The following TRAF3IP1 variants were observed in gnomAD, a reference collection of about 807,000 sequenced individuals.
The protein encoded by TRAF3IP1 is intraflagellar transport 54.
TRAF3IP1 carries 53 observed loss-of-function variants against 89.9 expected under a neutral mutation model. The observed-to-expected ratio is 0.59, with a 90% CI of 0.47 to 0.74. The LOEUF (loss-of-function observed/expected upper bound fraction) is 0.74, where lower values mean the gene tolerates loss of function less well. TRAF3IP1 is among the 30% of genes least tolerant of loss of function. The pLI, the probability that TRAF3IP1 is intolerant of heterozygous loss-of-function variation, is 0.00. For missense variants in TRAF3IP1, 806 were observed against 866.1 expected (o/e 0.93, Z 0.87); for synonymous variants, 311 against 322.1 (o/e 0.97, Z 0.37).
intron 3 of TRAF3IP1, 71 bp from the exon 4 acceptor site, chr2:238,328,615 G>A (rs180876535): frequency 7.4e-5 from 113 of 1,520,112 alleles, no homozygotes; most frequent in Admixed American, 4.1e-4. Context: ...TTTGAATGGC[G>A]ATGTTCTATT....
chr2:238,320,719 G>A lies in TRAF3IP1; in HGVS notation c.57G>A (p.Arg19=), dbSNP rs1442403482. 6.9e-7 allele frequency: 1 copy of A among 1,449,392 alleles called. No homozygotes were observed. Among genetic ancestry groups the A allele is most frequent in the Non-Finnish European group, 9.2e-7 (1 of 1,090,096 alleles). The allele number at this position is 1,449,392 out of a possible 1,614,324, so 89.8% of individuals were successfully genotyped here. The change falls in exon 1 of 17, where the codon AGG becomes AGA. Residue 19 remains arginine, a synonymous_variant. Coordinates refer to ENST00000373327, the MANE Select transcript of TRAF3IP1 (RefSeq NM_015650.4). The part of the protein sequence containing the change: ...TQEALGKVIR[R]PPLTEKLLSK... ...AGGCGCTGGGGAAAGTGATTCGGAGGCCGCCGCTGACCGAGAAGCTGCTGA... is the reference window on the plus strand; with the variant it reads ...AGGCGCTGGGGAAAGTGATTCGGAGACCGCCGCTGACCGAGAAGCTGCTGA...
At position 238,398,948 on chromosome 2, in the gene TRAF3IP1, C is replaced by T. The variant is rs1559402755; in HGVS notation, c.*29C>T. 1 of 1,569,536 alleles carries T rather than the reference C, an allele frequency of 6.4e-7. No homozygotes were observed. The highest frequency in any genetic ancestry group is 8.6e-7 in the Non-Finnish European group (1 of 1,163,036). On this transcript the variant is annotated 3_prime_UTR_variant, in exon 17 of 17. Transcript: ENST00000373327. ...CTCAAAAGTTTCAGAGATGAAAAGT[C>T]ACCTCAGTTTAAAAGCAAAAAGGAA...
At chr2:238,374,505 T>G (rs1069398) in intron 15 of TRAF3IP1, among the ~76,000 whole-genome samples, 38,550 of 152,162 alleles carry the variant, frequency 0.25, 5,940 homozygotes, top group Middle Eastern at 0.45. Flanking sequence ...AAGCTTTTTT[T>G]TGATGTGCTG....
At chr2:238,398,644 C>A (rs1448050912) in intron 16 of TRAF3IP1, 110 bp from the exon 17 acceptor site, 1 of 1,238,092 alleles carries the variant, frequency 8.1e-7, no homozygotes, top group Non-Finnish European at 1.1e-6. Context: ...TTATCCTTTT[C>A]TTTGGATGAA....
rs567980422 is a variant in TRAF3IP1 at position 238,380,252 on chromosome 2, G to A, written c.1690-17207G>A. On this transcript the variant is annotated intron_variant, in intron 15 of 16. Coordinates refer to ENST00000373327, the MANE Select transcript of TRAF3IP1 (RefSeq NM_015650.4). ...ACTTCGTATGCAGCTGGATCCCTAC[G>A]GTGCCTTCCAGCTTCTCAGAGGGCC... Among the ~76,000 whole-genome samples, 26 of 152,188 alleles carry A rather than the reference G, an allele frequency of 1.7e-4. No individual in the cohort carries two copies. In the South Asian group the frequency reaches 3.7e-3, roughly 22 times the overall value.
chr2:238,341,001 G>A (rs1199593540), intron 8 of TRAF3IP1, among the ~76,000 whole-genome samples: 1 of 152,012 alleles, frequency 6.6e-6, no homozygotes, highest in Non-Finnish European at 1.5e-5. Context: ...GGGACTACAG[G>A]TGTGTGCCAC....
At chr2:238,326,344 C>A (rs2106360106) in intron 3 of TRAF3IP1, among the ~76,000 whole-genome samples, 1 of 152,268 alleles carries the variant, frequency 6.6e-6, no homozygotes, top group African/African-American at 2.4e-5. Context: ...GCCAGGGCTG[C>A]AGTGGCTGCA....
At position 238,397,348 on chromosome 2, in the gene TRAF3IP1, T is replaced by C. The variant is rs116467937; in HGVS notation, c.1690-111T>C. 6.2e-4 allele frequency: 549 copies of C among 882,708 alleles called. 3 individuals are homozygous for C. The African/African-American group carries it at 8.2e-3, about 13-fold the overall frequency. 54.7% of individuals were successfully genotyped at this position (882,708 alleles called of 1,614,324 possible). A position where few individuals can be genotyped will look rare whatever the true frequency, so the allele number is the denominator to read the frequency against. ...TGAGTGTCCCACAACCAGCACTGTC[T>C]CTGCCTGCGCCTTTCCTCCCAGCCC... is the stretch of plus-strand genomic sequence containing the variant. On this transcript the variant is annotated intron_variant, in intron 15 of 16. Transcript: ENST00000373327.
chr2:238,381,446 C>T (rs1489811179), intron 15 of TRAF3IP1, among the ~76,000 whole-genome samples: 1 of 152,178 alleles, frequency 6.6e-6, no homozygotes, highest in Non-Finnish European at 1.5e-5. Flanking sequence ...CCTGCTGTGG[C>T]TCAGTGGCAT....
At chr2:238,386,009 G>A (rs1385731151) in intron 15 of TRAF3IP1, among the ~76,000 whole-genome samples, 1 of 152,186 alleles carries the variant, frequency 6.6e-6, no homozygotes, top group Non-Finnish European at 1.5e-5. Flanking sequence ...TTTTATTCGG[G>A]AAGAAAGAAT....
In TRAF3IP1 at chr2:238,398,910, G is replaced by A. The variant is rs897164078; in HGVS notation, c.2067G>A (p.Ser689=). 2 of 1,601,012 alleles carry A rather than the reference G, an allele frequency of 1.2e-6. No individual in the cohort carries two copies. The highest frequency in any genetic ancestry group is 2.2e-5 in the East Asian group (1 of 44,742). ...QKMVYSINLT[S]RR is the part of the protein sequence containing the mutation. ...TGGTATATAGTATCAATTTGACTTCGAGAAGGTGAACACTCAAAAGTTTCA... is the reference window on the plus strand; with the variant it reads ...TGGTATATAGTATCAATTTGACTTCAAGAAGGTGAACACTCAAAAGTTTCA... The change falls in exon 17 of 17, where the codon TCG becomes TCA. Residue 689 remains serine, a synonymous_variant. Transcript: ENST00000373327.
chr2:238,369,637 C>T (rs1559382805), intron 15 of TRAF3IP1, among the ~76,000 whole-genome samples: 3 of 152,164 alleles, frequency 2.0e-5, no homozygotes, highest in African/African-American at 7.2e-5. Flanking sequence ...GCCTTTGCTG[C>T]GTCTTGCTGA....
At chr2:238,395,722 A>G (rs1701182638) in intron 15 of TRAF3IP1, among the ~76,000 whole-genome samples, 1 of 152,236 alleles carries the variant, frequency 6.6e-6, no homozygotes, top group Non-Finnish European at 1.5e-5. Context: ...GGCAAAGGAT[A>G]TGAACACACA....
chr2:238,371,869 A>T (rs1209932522), intron 15 of TRAF3IP1, among the ~76,000 whole-genome samples: 1 of 152,260 alleles, frequency 6.6e-6, no homozygotes, highest in African/African-American at 2.4e-5. Flanking sequence ...AGTAGAAAAT[A>T]TTAAATTACG....
chr2:238,355,945 G>T, intron 14 of TRAF3IP1, 59 bp from the exon 15 acceptor site: 1 of 1,291,602 alleles, frequency 7.7e-7, no homozygotes, highest in South Asian at 1.2e-5. Flanking sequence ...CACCCATTTA[G>T]AATAGGTTTT....
At chr2:238,380,505 A>G (rs538633572) in intron 15 of TRAF3IP1, among the ~76,000 whole-genome samples, 1 of 152,144 alleles carries the variant, frequency 6.6e-6, no homozygotes, top group Non-Finnish European at 1.5e-5. Flanking sequence ...CCCCTAACCG[A>G]TAGGAAACAT....
intron 15 of TRAF3IP1, among the ~76,000 whole-genome samples, chr2:238,385,397 T>C (rs757027195): frequency 6.6e-6 from 1 of 152,226 alleles, no homozygotes; most frequent in African/African-American, 2.4e-5. Flanking sequence ...CACTAGTCAG[T>C]GTACTTTCTC....
intron 15 of TRAF3IP1, among the ~76,000 whole-genome samples, chr2:238,367,703 C>T (rs1699943738): frequency 6.6e-6 from 1 of 152,088 alleles, no homozygotes; most frequent in African/African-American, 2.4e-5. Flanking sequence ...GCACCTGCAC[C>T]ACAACTCACT....
In TRAF3IP1 at chr2:238,353,612, T is replaced by C. The variant is rs140675840; in HGVS notation, c.1612+403T>C. Among the ~76,000 whole-genome samples, 215 of 152,314 alleles carry C rather than the reference T, an allele frequency of 1.4e-3. 1 individual carries two copies. The highest frequency in any genetic ancestry group is 4.8e-3 in the African/African-American group (201 of 41,564). ...CAAACCCCGTTCCCCACACCAGGGT[T>C]TGAGTATCCTGGAACACAGTTTCTG... On this transcript the variant is annotated intron_variant, in intron 14 of 16. Transcript: ENST00000373327.
Sources: gnomAD v4.1 joint callset for allele counts (sites outside exome capture counted in the v4.1 genomes callset) on GRCh38, gnomAD v4.1.1 for gene constraint, MANE v1.5 for transcripts, NCBI Gene and HGNC (gene_info 2026-07-23, HGNC 2026-07-21) for gene names.